Variants in CDH18 observed in about 807,000 individuals in gnomAD.
CDH18 encodes the protein cadherin-18.
A neutral mutation model predicts 67.9 loss-of-function variants in CDH18; 31 were observed. The observed-to-expected ratio is 0.46, with a 90% CI of 0.34 to 0.62. The LOEUF (loss-of-function observed/expected upper bound fraction) is 0.62. Among genes scored for constraint, CDH18 ranks in the 20% least tolerant of loss-of-function variants. The pLI is 0.01. For synonymous variants in CDH18, 362 were observed against 347.2 expected, an observed-to-expected ratio of 1.04 and a Z score of -0.48; for missense variants, 890 against 975.5, an observed-to-expected ratio of 0.91 and a Z score of 1.17.
rs567384643 is a variant in CDH18 at position 20,264,850 on chromosome 5, G to A, written c.-579-9345C>T. Among the ~76,000 whole-genome samples, 12 of 152,158 alleles carry A rather than the reference G, an allele frequency of 7.9e-5. No individual in the cohort carries two copies. The South Asian group carries it at 2.5e-3, about 32-fold the overall frequency. ...ATTTTTATGCCCAGCAGGAAAGTGA[G>A]CTAAGATATTCATCAAGCACAGTCT... On this transcript the variant is annotated intron_variant, in intron 1 of 14. Transcript: ENST00000507958.
chr5:20,282,963 G>A (rs1207910139), intron 1 of CDH18, among the ~76,000 whole-genome samples: 4 of 151,878 alleles, frequency 2.6e-5, no homozygotes, highest in Non-Finnish European at 4.4e-5. Flanking sequence ...AAACAAATCC[G>A]TACATCTACA....
intron 2 of CDH18, among the ~76,000 whole-genome samples, chr5:20,241,974 T>C (rs1742964956): frequency 6.7e-6 from 1 of 149,984 alleles, no homozygotes; most frequent in Non-Finnish European, 1.5e-5. Context: ...CTGGAAAAAA[T>C]AGGCATAAAA....
chr5:20,256,972 A>ATC (rs374238378), intron 1 of CDH18, among the ~76,000 whole-genome samples: 39,137 of 141,192 alleles, frequency 0.28, 5,935 homozygotes, highest in Non-Finnish European at 0.35. Flanking sequence ...TAATCTATCT[A>ATC]TATCTATATC....
chr5:19,487,947 C>T (rs1740672322), intron 11 of CDH18, among the ~76,000 whole-genome samples: 1 of 152,102 alleles, frequency 6.6e-6, no homozygotes, highest in Admixed American at 6.5e-5. Context: ...GGCTATTTCA[C>T]AAAAATATTT....
At chr5:19,621,662 A>C (rs758775093) in intron 5 of CDH18, among the ~76,000 whole-genome samples, 21 of 152,268 alleles carry the variant, frequency 1.4e-4, no homozygotes, top group Admixed American at 5.9e-4. Flanking sequence ...GTGGTTTTCC[A>C]GGGGCTGAGT....
chr5:19,634,557 A>G (rs990349835), intron 5 of CDH18, among the ~76,000 whole-genome samples: 15 of 152,222 alleles, frequency 9.9e-5, no homozygotes, highest in African/African-American at 3.1e-4. Flanking sequence ...AGCAAAAGTT[A>G]GCATTTTTCT....
intron 1 of CDH18, among the ~76,000 whole-genome samples, chr5:20,452,748 C>A (rs967860885): frequency 6.6e-6 from 1 of 151,886 alleles, no homozygotes; most frequent in Non-Finnish European, 1.5e-5. Context: ...ACACGTACCC[C>A]TAAACCTAAA....
intron 1 of CDH18, among the ~76,000 whole-genome samples, chr5:20,553,458 C>T (rs1054338265): frequency 7.9e-5 from 12 of 152,198 alleles, no homozygotes; most frequent in African/African-American, 2.6e-4. Context: ...AAAACAGAAA[C>T]AACGCTAACA....
intron 1 of CDH18, among the ~76,000 whole-genome samples, chr5:20,516,793 C>T (rs187278241): frequency 4.6e-5 from 7 of 151,266 alleles, no homozygotes; most frequent in East Asian, 1.9e-4. Flanking sequence ...TATTTTTTTT[C>T]GGATTGCCGT....
chr5:19,530,969 C>T (rs1054367233), intron 9 of CDH18, among the ~76,000 whole-genome samples: 57 of 152,260 alleles, frequency 3.7e-4, no homozygotes, highest in African/African-American at 1.1e-3. Flanking sequence ...TGTCCTGCAC[C>T]CACTGTCTGG....
rs913624244 is a variant in CDH18 at position 20,123,658 on chromosome 5, C to T, written c.-517-131644G>A. Among the ~76,000 whole-genome samples the T allele has an allele frequency of 5.3e-5, 8 of 152,200 alleles. No homozygotes were observed. The East Asian group carries it at 1.2e-3, about 22-fold the overall frequency. ...ATCCCAGCACTTTGGGACGCCGAGGCGGGCGGATCGCGAGGTCAGGAGATC... is the reference window on the plus strand; with the variant it reads ...ATCCCAGCACTTTGGGACGCCGAGGTGGGCGGATCGCGAGGTCAGGAGATC... On this transcript the variant is annotated intron_variant, in intron 2 of 14. Transcript: ENST00000507958.
intron 1 of CDH18, among the ~76,000 whole-genome samples, chr5:20,506,584 A>G (rs2126466314): frequency 2.0e-5 from 3 of 152,320 alleles, no homozygotes; most frequent in Middle Eastern, 6.8e-3. Flanking sequence ...ATGAGAATCC[A>G]GTGTCCTGGC....
At chr5:20,249,862 T>C (rs561556723) in intron 2 of CDH18, among the ~76,000 whole-genome samples, 16 of 152,236 alleles carry the variant, frequency 1.1e-4, no homozygotes, top group African/African-American at 3.4e-4. Flanking sequence ...AGAAGAAGAG[T>C]GTGAACATTC....
chr5:19,548,302 A>G (rs1736697289), intron 8 of CDH18, among the ~76,000 whole-genome samples: 1 of 95,036 alleles, frequency 1.1e-5, no homozygotes, highest in African/African-American at 3.2e-5. Context: ...GGGATTTTAA[A>G]TTAAAAAAAA....
chr5:20,248,482 C>T (rs917895424), intron 2 of CDH18, among the ~76,000 whole-genome samples: 1 of 152,216 alleles, frequency 6.6e-6, no homozygotes, highest in Admixed American at 6.5e-5. Context: ...TGGACCTCTG[C>T]ACCCAAACTA....
rs373320969 is a variant in CDH18 at position 19,493,993 on chromosome 5, T to G, written c.1630+8999A>C. 7.9e-5 allele frequency among the ~76,000 whole-genome samples: 12 copies of G among 152,208 alleles called. No homozygotes were observed. In the East Asian group the frequency reaches 1.9e-3, roughly 24 times the overall value. ...AGTGTTATCTTAGAAAAGGATTCTT[T>G]TATTGTAGTTCTTTCTTTCAAATAT... On this transcript the variant is annotated intron_variant, in intron 11 of 12. Transcript: ENST00000382275.
intron 1 of CDH18, chr5:20,305,473 C>T (rs1308604588): frequency 1.5e-6 from 2 of 1,315,620 alleles, no homozygotes; most frequent in South Asian, 1.2e-5. Context: ...TCAGCGGCCG[C>T]CGCTGCACTC....
intron 1 of CDH18, among the ~76,000 whole-genome samples, chr5:20,357,972 A>G (rs1741772048): frequency 6.6e-6 from 1 of 152,220 alleles, no homozygotes; most frequent in African/African-American, 2.4e-5. Flanking sequence ...TGCAGCCATA[A>G]AAAATGAAAT....
At chr5:19,552,292 C>T (rs1737593563) in intron 8 of CDH18, among the ~76,000 whole-genome samples, 2 of 152,046 alleles carry the variant, frequency 1.3e-5, no homozygotes, top group South Asian at 2.1e-4. Context: ...GCACAAAGAA[C>T]AAATAAATTT....
Sources: gnomAD v4.1 joint callset for allele counts (sites outside exome capture counted in the v4.1 genomes callset) on GRCh38, gnomAD v4.1.1 for gene constraint, MANE v1.5 for transcripts, NCBI Gene and HGNC (gene_info 2026-07-23, HGNC 2026-07-21) for gene names.